Variants in AXDND1 observed in about 807,000 individuals in gnomAD.
AXDND1 encodes the protein axonemal dynein light chain domain containing 1, also known as axonemal dynein light chain domain-containing protein 1.
AXDND1 carries 110 observed loss-of-function variants against 137.5 expected under a neutral mutation model. The ratio of observed to expected loss-of-function variants is 0.80; its 90% CI spans 0.69 to 0.94. The LOEUF is 0.94. Among genes scored for constraint, AXDND1 ranks in the 40% least tolerant of loss-of-function variants. The pLI is 0.00. For synonymous variants in AXDND1, 414 were observed against 399.7 expected, an observed-to-expected ratio of 1.04 and a Z score of -0.43; for missense variants, 1,191 against 1,169.8, an observed-to-expected ratio of 1.02 and a Z score of -0.26.
chr1:179,445,556 C>G (rs562431221), intron 16 of AXDND1, among the ~76,000 whole-genome samples: 183 of 152,272 alleles, frequency 1.2e-3, no homozygotes, highest in Non-Finnish European at 2.2e-3. Context: ...AGTTTGCTTT[C>G]TGTCTCTATA....
intron 11 of AXDND1, 143 bp downstream of exon 11, chr1:179,395,345 T>G (rs1467216392): frequency 4.7e-6 from 3 of 641,118 alleles, no homozygotes; most frequent in Admixed American, 5.4e-5. Flanking sequence ...TTTAGTTGAT[T>G]TCTCATTCTG....
intron 8 of AXDND1, among the ~76,000 whole-genome samples, chr1:179,384,993 G>A (rs531356580): frequency 5.3e-5 from 8 of 152,234 alleles, no homozygotes; most frequent in African/African-American, 1.9e-4. Context: ...CAAGCTCCTT[G>A]CCTCAAGCAA....
intron 4 of AXDND1, 81 bp downstream of exon 4, chr1:179,370,159 A>G: frequency 9.2e-7 from 1 of 1,082,606 alleles, no homozygotes; most frequent in Non-Finnish European, 1.4e-6. Flanking sequence ...GGAGGGGCAG[A>G]ATTAGAAAAA....
At chr1:179,492,026 C>T (rs906437320) in intron 19 of AXDND1, among the ~76,000 whole-genome samples, 3 of 152,166 alleles carry the variant, frequency 2.0e-5, no homozygotes, top group African/African-American at 7.2e-5. Context: ...CACTTTTACA[C>T]ATACTGGTGA....
In AXDND1 at chr1:179,483,212, TCAG is replaced by T; in HGVS notation, c.2085_2087del (p.Gln695del). On this transcript the variant is annotated inframe_deletion, in exon 18 of 26. Coordinates refer to ENST00000367618, the MANE Select transcript of AXDND1 (RefSeq NM_144696.6). Reference sequence around the variant, plus strand: ...AAATTAACAACGGTAACATTGAACTTCAGCACCACGTATGTACTTGTAAGGGTT... The same window carrying T: ...AAATTAACAACGGTAACATTGAACTTCACCACGTATGTACTTGTAAGGGTT... The T allele has an allele frequency of 6.2e-7, 1 of 1,605,392 alleles. No homozygotes were observed. The highest frequency in any genetic ancestry group is 8.5e-7 in the Non-Finnish European group (1 of 1,174,640).
At chr1:179,513,710 G>A (rs1163375050) in intron 21 of AXDND1, among the ~76,000 whole-genome samples, 1 of 151,650 alleles carries the variant, frequency 6.6e-6, no homozygotes, top group Non-Finnish European at 1.5e-5. Context: ...TTTTTTGTTG[G>A]TAATTTTTTA....
At chr1:179,533,957 C>T (rs1671273841) in intron 24 of AXDND1, 80 bp downstream of exon 24, 12 of 1,274,976 alleles carry the variant, frequency 9.4e-6, no homozygotes. Flanking sequence ...CACTTTTTGG[C>T]TTCCCTTTGG....
intron 6 of AXDND1, among the ~76,000 whole-genome samples, chr1:179,381,964 T>TTTTTTTTTTTTA (rs1648415755): frequency 7.1e-6 from 1 of 139,896 alleles, no homozygotes; most frequent in Admixed American, 7.0e-5. Flanking sequence ...TTTTTTTTTT[T>TTTTTTTTTTTTA]TGTATTTTTA....
intron 21 of AXDND1, among the ~76,000 whole-genome samples, chr1:179,519,581 G>A (rs1669868103): frequency 6.6e-6 from 1 of 152,154 alleles, no homozygotes; most frequent in African/African-American, 2.4e-5. Flanking sequence ...ATAAGGAAGG[G>A]TTCCAGTTTC....
chr1:179,526,483 C>T (rs1440830634), intron 22 of AXDND1, among the ~76,000 whole-genome samples: 6 of 152,192 alleles, frequency 3.9e-5, no homozygotes, highest in African/African-American at 1.2e-4. Flanking sequence ...AAGTCTGGCA[C>T]AAGACCCCTT....
At chr1:179,464,339 G>A (rs1438091326) in intron 16 of AXDND1, among the ~76,000 whole-genome samples, 2 of 152,186 alleles carry the variant, frequency 1.3e-5, no homozygotes, top group Non-Finnish European at 2.9e-5. Flanking sequence ...GCATTTGCTT[G>A]TCTGTAAAGG....
rs867199633 is a variant in AXDND1 at position 179,525,406 on chromosome 1, G to A, written c.2569G>A (p.Asp857Asn). The A allele has an allele frequency of 1.9e-6, 3 of 1,611,922 alleles. No individual in the cohort carries two copies. Among genetic ancestry groups the A allele is most frequent in the African/African-American group, 2.7e-5 (2 of 74,820 alleles). Residue 857 changes from aspartate (D) to asparagine (N), a missense_variant, in exon 22 of 26, where the codon GAT (aspartate) becomes AAT (asparagine). Physicochemically the swap from Asp to Asn is conservative, Grantham distance 23. Transcript: ENST00000367618. The part of the protein sequence containing the change: ...FKEDEEESKE[D>N]RKLQEENKER... ...AGAAGATGAAGAAGAAAGTAAGGAG[G>A]ATAGGAAACTTCAGGAGGAAAATAA...
At chr1:179,428,324 AT>A (rs1486809224) in intron 12 of AXDND1, among the ~76,000 whole-genome samples, 1 of 152,244 alleles carries the variant, frequency 6.6e-6, no homozygotes, top group East Asian at 1.9e-4. Context: ...TTTCTGTAGA[AT>A]TCCTTGCATT....
chr1:179,498,458 T>G (rs963105222), intron 20 of AXDND1, among the ~76,000 whole-genome samples: 7 of 151,974 alleles, frequency 4.6e-5, no homozygotes, highest in Non-Finnish European at 1.0e-4. Flanking sequence ...GATTTAAATG[T>G]AAGACATCAA....
At chr1:179,426,196 A>T (rs6659409) in intron 12 of AXDND1, among the ~76,000 whole-genome samples, 52,997 of 151,982 alleles carry the variant, frequency 0.35, 9,424 homozygotes, top group Middle Eastern at 0.44. Flanking sequence ...AGTGACAATC[A>T]CTAGAAATAA....
chr1:179,483,042 C>A (rs1665611947), intron 17 of AXDND1, 86 bp from the exon 18 acceptor site: 1 of 868,590 alleles, frequency 1.2e-6, no homozygotes, highest in Non-Finnish European at 1.7e-6. Flanking sequence ...AATACCCAGC[C>A]AAATAAAACT....
At chr1:179,472,039 C>T (rs1664007473) in intron 17 of AXDND1, among the ~76,000 whole-genome samples, 1 of 152,056 alleles carries the variant, frequency 6.6e-6, no homozygotes, top group Non-Finnish European at 1.5e-5. Context: ...GGATTACCGG[C>T]ATGTGCCACC....
Position 179,379,378 on chromosome 1 carries a change from GCTTTT to G in AXDND1, c.496-8_496-4del, listed in dbSNP as rs780197866. 8.1e-6 allele frequency: 13 copies of G among 1,599,628 alleles called. No individual in the cohort carries two copies. The East Asian group carries it at 9.0e-5, about 11-fold the overall frequency. ...ATTAATATATTCATTCTTTTATTTT[GCTTTT>G]CTTTTCTTTTAAGCCAAAGACACTA... On this transcript the variant is annotated splice_polypyrimidine_tract_variant and intron_variant, in intron 5 of 25. Coordinates refer to ENST00000367618, the MANE Select transcript of AXDND1 (RefSeq NM_144696.6).
At chr1:179,462,380 A>G (rs905143925) in intron 16 of AXDND1, among the ~76,000 whole-genome samples, 1 of 152,202 alleles carries the variant, frequency 6.6e-6, no homozygotes, top group Non-Finnish European at 1.5e-5. Flanking sequence ...CCAGCCTTGA[A>G]TCCCAGGGAT....
Sources: gnomAD v4.1 joint callset for allele counts (sites outside exome capture counted in the v4.1 genomes callset) on GRCh38, gnomAD v4.1.1 for gene constraint, MANE v1.5 for transcripts, NCBI Gene and HGNC (gene_info 2026-07-23, HGNC 2026-07-21) for gene names.